The following H6PD variants were observed in gnomAD, a reference collection of about 807,000 sequenced individuals.
H6PD encodes the protein hexose-6-phosphate dehydrogenase/glucose 1-dehydrogenase, also known as GDH/6PGL endoplasmic bifunctional protein.
Under a neutral mutation model 61.2 loss-of-function variants are expected in H6PD, and 48 were observed. The ratio of observed to expected loss-of-function variants is 0.78; its 90% CI spans 0.62 to 1.00. H6PD has a LOEUF of 1.00. Ranked by LOEUF, H6PD falls within the 50% of genes least tolerant of loss-of-function variation. The pLI, the probability that H6PD is intolerant of heterozygous loss-of-function variation, is 0.00. For missense variants in H6PD, 1,093 were observed against 1,065.0 expected (o/e 1.03, Z -0.37); for synonymous variants, 480 against 457.9 (o/e 1.05, Z -0.62).
At chr1:9,248,783 C>T (rs1641265977) in intron 3 of H6PD, among the ~76,000 whole-genome samples, 1 of 152,178 alleles carries the variant, frequency 6.6e-6, no homozygotes, top group African/African-American at 2.4e-5. Flanking sequence ...TTCTCTACTT[C>T]AGAACCCACA....
chr1:9,247,496 C>T (rs552391886), intron 3 of H6PD, among the ~76,000 whole-genome samples: 113 of 152,228 alleles, frequency 7.4e-4, no homozygotes, highest in African/African-American at 2.6e-3. Context: ...ACCCCTCTCT[C>T]GCTTGTTAGT....
intron 1 of H6PD, chr1:9,240,091 C>A: frequency 1.0e-6 from 1 of 996,538 alleles, no homozygotes; most frequent in Non-Finnish European, 1.3e-6. Flanking sequence ...GTGCCCAGGA[C>A]TGGGTTCACG....
At chr1:9,246,875 A>T (rs2100334548) in intron 2 of H6PD, 91 bp from the exon 3 acceptor site, 1 of 863,838 alleles carries the variant, frequency 1.2e-6, no homozygotes, top group East Asian at 2.4e-5. Context: ...CTGAGCAGGG[A>T]ATAGAAAGGT....
At chr1:9,239,733 G>T in intron 1 of H6PD, 2 of 366,012 alleles carry the variant, frequency 5.5e-6, no homozygotes. Context: ...AACGTCAAAA[G>T]CTGGGAAAGG....
chr1:9,258,664 G>GT (rs1251416987), intron 3 of H6PD, among the ~76,000 whole-genome samples: 4 of 151,718 alleles, frequency 2.6e-5, no homozygotes, highest in Non-Finnish European at 5.9e-5. Flanking sequence ...GTGTTGTTTT[G>GT]TTGTTGTTAC....
chr1:9,259,290 A>G (rs1347406659), intron 3 of H6PD, among the ~76,000 whole-genome samples: 1 of 151,530 alleles, frequency 6.6e-6, no homozygotes, highest in East Asian at 2.0e-4. Flanking sequence ...GCCTGGCCAC[A>G]CCGGTGTTGT....
chr1:9,264,377 C>T lies in H6PD; in HGVS notation c.1884C>T (p.Asp628=), dbSNP rs1464211138. ...ACGAGCGCTGCGTCCCACTCTCAGA[C>T]CCGGAGTCCAACTTCCAGGGCCTGC... ...LVDERCVPLS[D]PESNFQGLQA... is the part of the protein sequence containing the mutation. The change falls in exon 5 of 5, where the codon GAC becomes GAT. Residue 628 remains aspartate (D), a synonymous_variant. Transcript: ENST00000377403. The T allele has an allele frequency of 1.2e-6, 2 of 1,612,990 alleles. No homozygotes were observed. Among genetic ancestry groups the T allele is most frequent in the South Asian group, 1.1e-5 (1 of 91,092 alleles).
At chr1:9,239,861 G>A (rs1640947213) in intron 1 of H6PD, 3 of 479,726 alleles carry the variant, frequency 6.3e-6, no homozygotes, top group Admixed American at 4.4e-5. Flanking sequence ...AACGCTCTGC[G>A]GCTAGAGCTT....
chr1:9,248,681 G>A (rs553607852), intron 3 of H6PD, among the ~76,000 whole-genome samples: 1 of 150,700 alleles, frequency 6.6e-6, no homozygotes, highest in Admixed American at 6.6e-5. Context: ...GCAGCGTGGT[G>A]GGGGGACAAT....
intron 1 of H6PD, among the ~76,000 whole-genome samples, chr1:9,235,894 G>T (rs1457259958): frequency 5.3e-5 from 8 of 152,244 alleles, no homozygotes; most frequent in African/African-American, 1.9e-4. Context: ...TTACAGGTGT[G>T]AAGCACCACG....
intron 1 of H6PD, chr1:9,242,995 C>A (rs189757166): frequency 5.1e-5 from 50 of 982,986 alleles, no homozygotes; most frequent in African/African-American, 1.7e-4. Context: ...GGGGTGAGGG[C>A]AGATACAGGG....
At chr1:9,253,220 G>T (rs1237867538) in intron 3 of H6PD, among the ~76,000 whole-genome samples, 1 of 152,176 alleles carries the variant, frequency 6.6e-6, no homozygotes, top group Non-Finnish European at 1.5e-5. Context: ...TTAAACACAG[G>T]CGCACCCCCT....
At chr1:9,258,434 T>A (rs564177513) in intron 3 of H6PD, among the ~76,000 whole-genome samples, 1 of 152,226 alleles carries the variant, frequency 6.6e-6, no homozygotes, top group Non-Finnish European at 1.5e-5. Flanking sequence ...GTTGCTGTTG[T>A]TATGCTGTTG....
At position 9,266,828 on chromosome 1, in the gene H6PD, CT is replaced by C. The variant is rs3057978; in HGVS notation, c.*1973del. 0.33 allele frequency: 49,252 copies of C among 147,880 alleles called. 8,614 individuals carry two copies. Among genetic ancestry groups the C allele is most frequent in the East Asian group, 0.68 (3,429 of 5,006 alleles). 9.2% of individuals were successfully genotyped at this position (147,880 alleles called of 1,614,324 possible). ...ACAACCCAGGCCAGACAGAGCATCT[CT>C]TTTTTTTTTTTTTGAGACAGAGTCT... On this transcript the variant is annotated 3_prime_UTR_variant, in exon 5 of 5. Transcript: ENST00000377403.
In H6PD at chr1:9,263,884, A is replaced by T; in HGVS notation, c.1391A>T (p.His464Leu). The change falls in exon 5 of 5, where the codon CAT (histidine) becomes CTT (leucine). Residue 464 changes from histidine (H) to leucine (L), a missense_variant. By Grantham distance (99) the His-to-Leu change is moderately conservative (BLOSUM62 -3). Coordinates refer to ENST00000377403, the MANE Select transcript of H6PD (RefSeq NM_004285.4). ...ERDAHSVLLSHIFHGRKNFFI... is the reference protein window; with the variant it reads ...ERDAHSVLLSLIFHGRKNFFI... ...GACGCCCACTCCGTCCTCTTATCCCATATCTTCCATGGCCGGAAGAATTTC... is the reference window on the plus strand; with the variant it reads ...GACGCCCACTCCGTCCTCTTATCCCTTATCTTCCATGGCCGGAAGAATTTC... The T allele has an allele frequency of 6.2e-7, 1 of 1,614,118 alleles. No individual in the cohort carries two copies. Among genetic ancestry groups the T allele is most frequent in the Non-Finnish European group, 8.5e-7 (1 of 1,180,012 alleles).
chr1:9,259,487 TTGTTGTTACGCCAG>T (rs530701404), intron 3 of H6PD, among the ~76,000 whole-genome samples: 1,860 of 152,282 alleles, frequency 0.012, 37 homozygotes, highest in African/African-American at 0.043. Context: ...TGTTGTTATA[TTGTTGTTACGCCAG>T]TGTTGTTACG....
At chr1:9,246,819 TGA>T in intron 2 of H6PD, 145 bp from the exon 3 acceptor site, 1 of 735,260 alleles carries the variant, frequency 1.4e-6, no homozygotes, top group South Asian at 1.4e-5. Context: ...TACTGGCCTG[TGA>T]GATCGTGAAG....
chr1:9,259,168 T>C lies in H6PD; in HGVS notation c.746-2891T>C, dbSNP rs138405370. Reference sequence around the variant, plus strand: ...CACCACGCCCAGCTAATTTTTTGTATTTTTTAGTAGAGACGGGGTTTCACC... The same window carrying C: ...CACCACGCCCAGCTAATTTTTTGTACTTTTTAGTAGAGACGGGGTTTCACC... On this transcript the variant is annotated intron_variant, in intron 3 of 4. Transcript: ENST00000377403. 7.5e-3 allele frequency among the ~76,000 whole-genome samples: 1,141 copies of C among 152,258 alleles called. 12 individuals are homozygous for C. The highest frequency in any genetic ancestry group is 0.026 in the African/African-American group (1,081 of 41,550).
At chr1:9,249,054 C>A (rs907388543) in intron 3 of H6PD, among the ~76,000 whole-genome samples, 1 of 152,200 alleles carries the variant, frequency 6.6e-6, no homozygotes, top group Non-Finnish European at 1.5e-5. Context: ...GCCAGCGGGC[C>A]GGCGCTTGCC....
Sources: gnomAD v4.1 joint callset for allele counts (sites outside exome capture counted in the v4.1 genomes callset) on GRCh38, gnomAD v4.1.1 for gene constraint, MANE v1.5 for transcripts, NCBI Gene and HGNC (gene_info 2026-07-23, HGNC 2026-07-21) for gene names.